Variants in FMN2 observed in about 807,000 individuals in gnomAD.
The protein encoded by FMN2 is formin 2.
A neutral mutation model predicts 142.3 loss-of-function variants in FMN2; 51 were observed. The ratio of observed to expected loss-of-function variants is 0.36; its 90% CI spans 0.29 to 0.45. The LOEUF is 0.45. Among genes scored for constraint, FMN2 ranks in the 20% least tolerant of loss-of-function variants. The probability of loss-of-function intolerance (pLI) is 1.00; values close to 1 mark genes in which losing one functional copy is unlikely to be tolerated. For missense variants in FMN2, 1,936 were observed against 2,122.8 expected, an observed-to-expected ratio of 0.91 and a Z score of 1.73; for synonymous variants, 882 against 869.8, an observed-to-expected ratio of 1.01 and a Z score of -0.25.
chr1:240,197,498 C>T (rs948597809), intron 4 of FMN2, among the ~76,000 whole-genome samples: 1 of 152,132 alleles, frequency 6.6e-6, no homozygotes, highest in African/African-American at 2.4e-5. Context: ...GAAGTGGGGG[C>T]AGTTTTGAGG....
intron 2 of FMN2, among the ~76,000 whole-genome samples, chr1:240,162,889 A>G (rs1301803239): frequency 6.6e-6 from 1 of 152,156 alleles, no homozygotes; most frequent in Non-Finnish European, 1.5e-5. Context: ...ATTTAAACCT[A>G]CAGATTTCTC....
intron 15 of FMN2, among the ~76,000 whole-genome samples, chr1:240,428,266 G>C (rs1437617918): frequency 6.8e-6 from 1 of 147,482 alleles, no homozygotes; most frequent in Non-Finnish European, 1.5e-5. Context: ...GTTTCACTCT[G>C]TTGCCCAGGC....
chr1:240,135,599 T>C (rs1662903442), intron 2 of FMN2, among the ~76,000 whole-genome samples: 1 of 152,084 alleles, frequency 6.6e-6, no homozygotes, highest in Non-Finnish European at 1.5e-5. Flanking sequence ...TAGTTCAGTG[T>C]GAAGTAGAAG....
At chr1:240,328,801 G>A (rs1009929589) in intron 8 of FMN2, among the ~76,000 whole-genome samples, 1 of 152,042 alleles carries the variant, frequency 6.6e-6, no homozygotes, top group Non-Finnish European at 1.5e-5. Flanking sequence ...TGTTGGCCAA[G>A]CCAGTCCTCA....
chr1:240,239,440 C>T (rs10926176), intron 6 of FMN2, among the ~76,000 whole-genome samples: 45,459 of 152,146 alleles, frequency 0.3, 8,259 homozygotes, highest in Non-Finnish European at 0.4. Flanking sequence ...TGAAAATGAG[C>T]ATCATAAATT....
chr1:240,176,141 A>C (rs1307562182), intron 2 of FMN2, among the ~76,000 whole-genome samples: 1 of 152,162 alleles, frequency 6.6e-6, no homozygotes, highest in African/African-American at 2.4e-5. Context: ...AAACAGTGTT[A>C]CCAAGTTTTT....
chr1:240,414,199 T>C (rs1674506697), intron 15 of FMN2, among the ~76,000 whole-genome samples: 1 of 152,130 alleles, frequency 6.6e-6, no homozygotes, highest in Admixed American at 6.5e-5. Flanking sequence ...GAAGCTAAGG[T>C]TGGATCGTCT....
chr1:240,387,749 A>G (rs945963405), intron 14 of FMN2, among the ~76,000 whole-genome samples: 1 of 152,218 alleles, frequency 6.6e-6, no homozygotes, highest in Non-Finnish European at 1.5e-5. Flanking sequence ...TGAGATTCCT[A>G]CAATGGAAGA....
At chr1:240,333,456 G>A (rs1671446398) in intron 11 of FMN2, among the ~76,000 whole-genome samples, 1 of 152,082 alleles carries the variant, frequency 6.6e-6, no homozygotes, top group South Asian at 2.1e-4. Context: ...ATGCTAATGA[G>A]CCTCAATCAA....
At chr1:240,385,200 T>C (rs1312613092) in intron 14 of FMN2, among the ~76,000 whole-genome samples, 1 of 152,206 alleles carries the variant, frequency 6.6e-6, no homozygotes, top group African/African-American at 2.4e-5. Context: ...GTTTTGTGTT[T>C]TGATAGTTTG....
At chr1:240,381,136 G>A (rs1673212214) in intron 14 of FMN2, among the ~76,000 whole-genome samples, 1 of 152,040 alleles carries the variant, frequency 6.6e-6, no homozygotes, top group Admixed American at 6.6e-5. Context: ...TCAAGGAGGA[G>A]GTGTTCCTTT....
chr1:240,147,686 G>T (rs939877676), intron 2 of FMN2, among the ~76,000 whole-genome samples: 10 of 152,022 alleles, frequency 6.6e-5, no homozygotes, highest in Non-Finnish European at 4.4e-5. Flanking sequence ...GTCCAATCTT[G>T]TTACACTTGG....
chr1:240,126,408 C>T (rs116174884), intron 2 of FMN2, among the ~76,000 whole-genome samples: 2 of 151,458 alleles, frequency 1.3e-5, no homozygotes, highest in South Asian at 2.1e-4. Context: ...TCCTCTCCCC[C>T]ACCTCCTTAT....
chr1:240,316,953 T>C (rs894417276), intron 8 of FMN2, among the ~76,000 whole-genome samples: 6 of 152,138 alleles, frequency 3.9e-5, no homozygotes, highest in Non-Finnish European at 5.9e-5. Flanking sequence ...TACACACATA[T>C]GCATGTACAG....
intron 7 of FMN2, among the ~76,000 whole-genome samples, chr1:240,286,405 G>T (rs1428729883): frequency 6.6e-6 from 1 of 152,144 alleles, no homozygotes; most frequent in East Asian, 1.9e-4. Flanking sequence ...TGACTGACTG[G>T]CAGCATTCAT....
intron 13 of FMN2, among the ~76,000 whole-genome samples, chr1:240,343,539 C>T (rs777105255): frequency 2.0e-5 from 3 of 152,034 alleles, no homozygotes; most frequent in Non-Finnish European, 2.9e-5. Flanking sequence ...TAGTAACAAC[C>T]GTGATAAAAT....
chr1:240,243,506 C>T (rs1223433778), intron 6 of FMN2, among the ~76,000 whole-genome samples: 1 of 152,182 alleles, frequency 6.6e-6, no homozygotes, highest in Non-Finnish European at 1.5e-5. Context: ...TCTATTGTCT[C>T]TGCTGTTCCT....
intron 7 of FMN2, among the ~76,000 whole-genome samples, chr1:240,267,102 C>A (rs998842447): frequency 6.6e-6 from 1 of 152,012 alleles, no homozygotes; most frequent in Non-Finnish European, 1.5e-5. Context: ...CAAGTGGAAC[C>A]TAATTAAACT....
At chr1:240,185,404 A>T (rs1324327473) in intron 3 of FMN2, among the ~76,000 whole-genome samples, 1 of 152,188 alleles carries the variant, frequency 6.6e-6, no homozygotes. Flanking sequence ...TCAACCTGCA[A>T]ATTTCTCTTC....
Sources: allele counts gnomAD v4.1 joint callset (sites outside exome capture counted in the v4.1 genomes callset), GRCh38; gene constraint gnomAD v4.1.1; transcripts MANE v1.5; gene names NCBI Gene and HGNC (gene_info 2026-07-23, HGNC 2026-07-21).